SCEL: variants seen among roughly 807,000 people sequenced by gnomAD.
SCEL encodes the protein sciellin.
In SCEL, 113 loss-of-function variants were observed where a neutral mutation model predicts 117.6. The ratio of observed to expected loss-of-function variants is 0.96; its 90% CI spans 0.83 to 1.12. SCEL has a LOEUF of 1.12. Among genes scored for constraint, SCEL ranks in the 50% most tolerant of loss-of-function variants. The pLI is 0.00. For synonymous variants in SCEL, 270 were observed against 256.2 expected, an observed-to-expected ratio of 1.05 and a Z score of -0.51; for missense variants, 785 against 810.8, an observed-to-expected ratio of 0.97 and a Z score of 0.39.
intron 28 of SCEL, among the ~76,000 whole-genome samples, chr13:77,631,389 G>C (rs180928875): frequency 6.6e-6 from 1 of 152,134 alleles, no homozygotes; most frequent in African/African-American, 2.4e-5. Flanking sequence ...GGAGACCAAA[G>C]AGACATGATG....
chr13:77,577,043 C>T (rs1253116189), intron 9 of SCEL, among the ~76,000 whole-genome samples: 5 of 152,108 alleles, frequency 3.3e-5, no homozygotes, highest in African/African-American at 7.2e-5. Context: ...TGGGCTGAGA[C>T]GATGGGGTTT....
intron 1 of SCEL, among the ~76,000 whole-genome samples, chr13:77,537,829 A>G (rs571364861): frequency 3.4e-4 from 52 of 152,348 alleles, no homozygotes; most frequent in Admixed American, 2.0e-3. Flanking sequence ...CAATTCACGA[A>G]GCCGTCAAAT....
chr13:77,626,842 G>A (rs1567436368), intron 27 of SCEL, among the ~76,000 whole-genome samples: 1 of 151,958 alleles, frequency 6.6e-6, no homozygotes, highest in Non-Finnish European at 1.5e-5. Context: ...AGTTTAGAAT[G>A]GTTGACTAAC....
chr13:77,568,605 C>T (rs76615998), intron 7 of SCEL, among the ~76,000 whole-genome samples: 6,339 of 152,236 alleles, frequency 0.042, 191 homozygotes, highest in Non-Finnish European at 0.061. Flanking sequence ...AATCTAGACT[C>T]CTTATTTTTT....
intron 9 of SCEL, among the ~76,000 whole-genome samples, chr13:77,581,402 C>A (rs533754338): frequency 1.2e-3 from 189 of 152,322 alleles, no homozygotes; most frequent in Non-Finnish European, 2.2e-3. Flanking sequence ...CCTATGGGAA[C>A]AACCTAGACA....
chr13:77,573,224 A>G (rs1291411757), intron 9 of SCEL, among the ~76,000 whole-genome samples: 2 of 152,022 alleles, frequency 1.3e-5, no homozygotes, highest in East Asian at 1.9e-4. Flanking sequence ...TGAACAAAAC[A>G]TGGAGCCTAC....
chr13:77,611,780 G>A (rs1433350522), intron 22 of SCEL, among the ~76,000 whole-genome samples: 1 of 152,144 alleles, frequency 6.6e-6, no homozygotes, highest in African/African-American at 2.4e-5. Context: ...AATCAGGATT[G>A]TAAGAGTTAA....
At chr13:77,629,447 T>A (rs1854914186) in intron 28 of SCEL, among the ~76,000 whole-genome samples, 1 of 152,282 alleles carries the variant, frequency 6.6e-6, no homozygotes, top group African/African-American at 2.4e-5. Flanking sequence ...GGTACTTTAA[T>A]GAATCAAATT....
chr13:77,585,032 C>T (rs1364457528), intron 9 of SCEL, among the ~76,000 whole-genome samples: 1 of 152,244 alleles, frequency 6.6e-6, no homozygotes, highest in African/African-American at 2.4e-5. Context: ...CAGTGGAATT[C>T]TCCTATGAGG....
intron 9 of SCEL, among the ~76,000 whole-genome samples, chr13:77,583,524 A>G (rs2086383331): frequency 6.6e-6 from 1 of 152,208 alleles, no homozygotes; most frequent in African/African-American, 2.4e-5. Context: ...GTGTCCTAAC[A>G]TTATGAATGG....
Position 77,556,631 on chromosome 13 carries a change from C to A in SCEL, c.79C>A (p.Gln27Lys). 6.2e-7 allele frequency: 1 copy of A among 1,614,046 alleles called. No homozygotes were observed. Among genetic ancestry groups the A allele is most frequent in the South Asian group, 1.1e-5 (1 of 91,074 alleles). Residue 27 changes from glutamine (Q) to lysine (K), a missense_variant, in exon 3 of 33, where the codon CAG (glutamine) becomes AAG (lysine). Physicochemically the swap from Gln to Lys is moderately conservative, Grantham distance 53. Coordinates refer to ENST00000349847, the MANE Select transcript of SCEL (RefSeq NM_144777.3). ...KSTTQGTTRK[Q>K]QDFHEVNKRR... ...CACCACTCAGGGAACCACACGGAAG[C>A]AGCAGGATTTTCACGAGGTGAACAA...
chr13:77,545,565 A>T (rs1484765750), intron 1 of SCEL, among the ~76,000 whole-genome samples: 1 of 152,252 alleles, frequency 6.6e-6, no homozygotes, highest in Non-Finnish European at 1.5e-5. Flanking sequence ...ATCCTGGGGA[A>T]GATGGAAAGA....
chr13:77,542,049 A>G (rs773505666), intron 1 of SCEL, among the ~76,000 whole-genome samples: 10 of 152,314 alleles, frequency 6.6e-5, no homozygotes, highest in Non-Finnish European at 5.9e-5. Context: ...TGTTTTTTGT[A>G]AAATGAAATA....
At chr13:77,602,408 T>G in intron 16 of SCEL, 1 of 486,046 alleles carries the variant, frequency 2.1e-6, no homozygotes, top group East Asian at 3.2e-5. Context: ...TTAAGAAATA[T>G]AAAGGACAAA....
intron 27 of SCEL, among the ~76,000 whole-genome samples, chr13:77,626,224 A>G (rs1017558093): frequency 6.6e-6 from 1 of 152,088 alleles, no homozygotes; most frequent in Non-Finnish European, 1.5e-5. Context: ...AAACCATCAG[A>G]TCTCTTAGGA....
chr13:77,577,640 C>A (rs2086025574), intron 9 of SCEL, among the ~76,000 whole-genome samples: 1 of 151,762 alleles, frequency 6.6e-6, no homozygotes, highest in Non-Finnish European at 1.5e-5. Flanking sequence ...TTACTTCTGT[C>A]CTGTTCTCTC....
intron 21 of SCEL, among the ~76,000 whole-genome samples, chr13:77,609,553 T>C (rs2088483680): frequency 6.6e-6 from 1 of 152,218 alleles, no homozygotes; most frequent in South Asian, 2.1e-4. Flanking sequence ...CGAGGAGCTC[T>C]CCCAACACTC....
chr13:77,545,536 A>T (rs748134256), intron 1 of SCEL, among the ~76,000 whole-genome samples: 1 of 152,242 alleles, frequency 6.6e-6, no homozygotes, highest in Non-Finnish European at 1.5e-5. Flanking sequence ...ATCCATGTAT[A>T]TATAAAGTAC....
chr13:77,612,827 T>TG, intron 22 of SCEL, 64 bp from the exon 23 acceptor site: 1 of 985,016 alleles, frequency 1.0e-6, no homozygotes. Context: ...ATATTAAGGT[T>TG]GAAAAAATAT....
Sources: allele counts gnomAD v4.1 joint callset (sites outside exome capture counted in the v4.1 genomes callset), GRCh38; gene constraint gnomAD v4.1.1; transcripts MANE v1.5; gene names NCBI Gene and HGNC (gene_info 2026-07-23, HGNC 2026-07-21).